BMPR2: variants seen among roughly 807,000 people sequenced by gnomAD.
BMPR2 encodes the protein bone morphogenetic protein receptor type-2.
A neutral mutation model predicts 100.8 loss-of-function variants in BMPR2; 29 were observed. The ratio of observed to expected loss-of-function variants is 0.29; its 90% confidence interval spans 0.21 to 0.39. The LOEUF (loss-of-function observed/expected upper bound fraction) is 0.39. BMPR2 is among the 10% of genes least tolerant of loss of function. The pLI is 1.00. For missense variants in BMPR2, 1,011 were observed against 1,274.5 expected (o/e 0.79, Z 3.15); for synonymous variants, 382 against 442.3 (o/e 0.86, Z 1.71).
At chr2:202,423,623 C>T (rs567424520) in intron 1 of BMPR2, among the ~76,000 whole-genome samples, 2 of 152,074 alleles carry the variant, frequency 1.3e-5, no homozygotes, top group African/African-American at 2.4e-5. Flanking sequence ...GGGATGTTGG[C>T]GTGCGCCTGT....
At chr2:202,377,669 G>T in intron 1 of BMPR2, 119 bp downstream of exon 1, 1 of 1,207,068 alleles carries the variant, frequency 8.3e-7, no homozygotes, top group East Asian at 2.5e-5. Context: ...TCGCGGTGCA[G>T]CGGAGCTGCG....
chr2:202,541,751 C>T (rs1688279757), intron 9 of BMPR2, among the ~76,000 whole-genome samples: 1 of 152,132 alleles, frequency 6.6e-6, no homozygotes, highest in South Asian at 2.1e-4. Context: ...AAATACCTAT[C>T]CATCATTGAA....
chr2:202,423,618 G>A (rs1271797752), intron 1 of BMPR2, among the ~76,000 whole-genome samples: 3 of 152,032 alleles, frequency 2.0e-5, no homozygotes, highest in African/African-American at 7.2e-5. Context: ...TTCTCGGGAT[G>A]TTGGCGTGCG....
At chr2:202,535,223 G>T (rs560970288) in intron 9 of BMPR2, among the ~76,000 whole-genome samples, 5 of 151,848 alleles carry the variant, frequency 3.3e-5, no homozygotes, top group Admixed American at 1.3e-4. Flanking sequence ...TGGCTGCCGG[G>T]CGGAGACACT....
At chr2:202,440,367 C>A (rs1204630602) in intron 1 of BMPR2, among the ~76,000 whole-genome samples, 1 of 148,136 alleles carries the variant, frequency 6.8e-6, no homozygotes. Flanking sequence ...ACATCCCAGA[C>A]GGGGCGGCGG....
chr2:202,388,538 A>C (rs1690481090), intron 1 of BMPR2, among the ~76,000 whole-genome samples: 1 of 151,808 alleles, frequency 6.6e-6, no homozygotes, highest in Admixed American at 6.6e-5. Flanking sequence ...TAATCCCAGC[A>C]CTTTGGGAGG....
At chr2:202,406,263 T>C (rs971268669) in intron 1 of BMPR2, among the ~76,000 whole-genome samples, 1 of 152,236 alleles carries the variant, frequency 6.6e-6, no homozygotes, top group African/African-American at 2.4e-5. Context: ...CATTGCCTTC[T>C]TTCTGTGTTC....
chr2:202,480,220 C>T (rs929620900), intron 3 of BMPR2, among the ~76,000 whole-genome samples: 10 of 152,114 alleles, frequency 6.6e-5, no homozygotes, highest in African/African-American at 2.2e-4. Context: ...GCAACCTCCA[C>T]CTCTTGGGTT....
At chr2:202,442,279 A>G (rs1691762906) in intron 1 of BMPR2, among the ~76,000 whole-genome samples, 1 of 150,370 alleles carries the variant, frequency 6.7e-6, no homozygotes, top group African/African-American at 2.5e-5. Flanking sequence ...ACACTCCCCT[A>G]TCCCAGCTGT....
chr2:202,381,525 G>A (rs920827792), intron 1 of BMPR2, among the ~76,000 whole-genome samples: 4 of 152,156 alleles, frequency 2.6e-5, no homozygotes, highest in African/African-American at 9.7e-5. Context: ...TTGGCTGACC[G>A]AGTCATATGG....
rs1187102699 is a variant in BMPR2, at chr2:202,566,357, G to A, written c.*6411G>A. On this transcript the variant is annotated 3_prime_UTR_variant, in exon 13 of 13. Transcript: ENST00000374580. ...TTAGATCCAGTTGAATATTTAAAGT[G>A]TTTGTTGCACAGTTCATTTAATGTT... 1 of 152,570 alleles carries A rather than the reference G, an allele frequency of 6.6e-6. No homozygotes were observed. Among genetic ancestry groups the A allele is most frequent in the East Asian group, 1.9e-4 (1 of 5,204 alleles). The allele number at this position is 152,570 out of a possible 1,614,324, so 9.5% of individuals were successfully genotyped here. A position where few individuals can be genotyped will look rare whatever the true frequency, so the allele number is the denominator to read the frequency against.
At chr2:202,504,786 T>C (rs1242276439) in intron 3 of BMPR2, among the ~76,000 whole-genome samples, 3 of 151,174 alleles carry the variant, frequency 2.0e-5, no homozygotes, top group African/African-American at 7.3e-5. Flanking sequence ...TTCAAGCGAT[T>C]CTCCTGCCTC....
intron 12 of BMPR2, 73 bp from the exon 13 acceptor site, chr2:202,559,623 C>G: frequency 6.6e-7 from 1 of 1,523,474 alleles, no homozygotes; most frequent in South Asian, 1.2e-5. Context: ...TTGACCTTTT[C>G]TTGAGTTACA....
chr2:202,545,103 T>G (rs889705504), intron 10 of BMPR2, among the ~76,000 whole-genome samples: 9 of 137,192 alleles, frequency 6.6e-5, no homozygotes, highest in Non-Finnish European at 1.3e-4. Flanking sequence ...CAATTCTTCC[T>G]TCTGGAATTC....
At chr2:202,551,473 G>A (rs541810480) in intron 10 of BMPR2, among the ~76,000 whole-genome samples, 71 of 152,120 alleles carry the variant, frequency 4.7e-4, no homozygotes, top group African/African-American at 1.6e-3. Context: ...GCAGTGAGCA[G>A]AGATCGTGCC....
At chr2:202,461,230 G>A (rs1039353020) in intron 1 of BMPR2, among the ~76,000 whole-genome samples, 1 of 151,716 alleles carries the variant, frequency 6.6e-6, no homozygotes, top group African/African-American at 2.4e-5. Flanking sequence ...GCTCATGCCT[G>A]TAATCCCAGC....
chr2:202,437,739 T>C (rs1041173343), intron 1 of BMPR2, among the ~76,000 whole-genome samples: 9 of 150,722 alleles, frequency 6.0e-5, no homozygotes, highest in Non-Finnish European at 8.8e-5. Flanking sequence ...GGTGACTGGC[T>C]TCTTTCACTC....
chr2:202,383,571 T>A (rs1690346406), intron 1 of BMPR2, among the ~76,000 whole-genome samples: 1 of 151,418 alleles, frequency 6.6e-6, no homozygotes, highest in Non-Finnish European at 1.5e-5. Context: ...TCCCAGCTAC[T>A]CGGGAGGCTG....
At chr2:202,386,299 G>C (rs1315672513) in intron 1 of BMPR2, among the ~76,000 whole-genome samples, 1 of 152,128 alleles carries the variant, frequency 6.6e-6, no homozygotes, top group Non-Finnish European at 1.5e-5. Flanking sequence ...TTGGATGTCT[G>C]ATATTCATCA....
Sources: gnomAD v4.1 joint callset for allele counts (sites outside exome capture counted in the v4.1 genomes callset) on GRCh38, gnomAD v4.1.1 for gene constraint, MANE v1.5 for transcripts, NCBI Gene and HGNC (gene_info 2026-07-23, HGNC 2026-07-21) for gene names.